HECW2: variants seen among roughly 807,000 people sequenced by gnomAD.
The protein encoded by HECW2 is E3 ubiquitin-protein ligase HECW2.
In HECW2, 61 loss-of-function variants were observed where a neutral mutation model predicts 175.2. The ratio of observed to expected loss-of-function variants is 0.35; its 90% CI spans 0.28 to 0.43. The LOEUF (loss-of-function observed/expected upper bound fraction) is 0.43. Ranked by LOEUF, HECW2 falls within the 20% of genes least tolerant of loss-of-function variation. The pLI is 1.00. For missense variants in HECW2, 1,524 were observed against 2,000.5 expected, an observed-to-expected ratio of 0.76 and a Z score of 4.54; for synonymous variants, 671 against 731.0, an observed-to-expected ratio of 0.92 and a Z score of 1.32.
intron 13 of HECW2, among the ~76,000 whole-genome samples, chr2:196,303,157 G>A (rs191627880): frequency 2.0e-4 from 31 of 152,214 alleles, no homozygotes; most frequent in East Asian, 1.4e-3. Flanking sequence ...CCTTTTCTGC[G>A]TCTATTGAAA....
intron 3 of HECW2, among the ~76,000 whole-genome samples, chr2:196,337,766 C>G (rs1241040904): frequency 6.6e-6 from 1 of 151,206 alleles, no homozygotes; most frequent in Non-Finnish European, 1.5e-5. Flanking sequence ...AAGGGAAAGG[C>G]ATCCTGTACG....
At chr2:196,264,007 C>T (rs1689411722) in intron 17 of HECW2, 1 of 152,150 alleles carries the variant, frequency 6.6e-6, no homozygotes, top group African/African-American at 2.4e-5. Flanking sequence ...CTTTGACCCA[C>T]TCCTTTTTCT....
chr2:196,287,144 G>C (rs975615948), intron 14 of HECW2, among the ~76,000 whole-genome samples: 1 of 152,094 alleles, frequency 6.6e-6, no homozygotes, highest in African/African-American at 2.4e-5. Context: ...TATTTGCTGT[G>C]GTTCTCAAAG....
At chr2:196,480,823 G>A (rs1384449014) in intron 1 of HECW2, among the ~76,000 whole-genome samples, 1 of 152,204 alleles carries the variant, frequency 6.6e-6, no homozygotes, top group African/African-American at 2.4e-5. Context: ...TAGTTAAGCA[G>A]AATGTCTGAT....
At chr2:196,338,617 T>C (rs1692638033) in intron 3 of HECW2, among the ~76,000 whole-genome samples, 1 of 152,228 alleles carries the variant, frequency 6.6e-6, no homozygotes, top group Admixed American at 6.5e-5. Flanking sequence ...CTTAAATAGC[T>C]ACACGATTCA....
rs1355654032 is a variant in HECW2 at position 196,199,355 on chromosome 2, G to A, written c.*1922C>T. ...CTCTTCCAATTATAGAATACAGAGA[G>A]CTCTTCCTTTCTTATTTCCAGATTT... On this transcript the variant is annotated 3_prime_UTR_variant, in exon 29 of 29. Coordinates refer to ENST00000644978, the MANE Select transcript of HECW2 (RefSeq NM_001348768.2). 6.6e-6 allele frequency: 1 copy of A among 152,458 alleles called. No homozygotes were observed. The highest frequency in any genetic ancestry group is 1.5e-5 in the Non-Finnish European group (1 of 68,010). The allele number at this position is 152,458 out of a possible 1,614,324, so 9.4% of individuals were successfully genotyped here. A position where few individuals can be genotyped will look rare whatever the true frequency, so the allele number is the denominator to read the frequency against.
At chr2:196,432,565 T>C (rs903831666) in intron 2 of HECW2, among the ~76,000 whole-genome samples, 1 of 152,230 alleles carries the variant, frequency 6.6e-6, no homozygotes, top group African/African-American at 2.4e-5. Context: ...ACTGTTTTTA[T>C]TAAAGCAAAT....
At chr2:196,221,029 C>T (rs758285897) in intron 24 of HECW2, 88 bp from the exon 25 acceptor site, 10 of 1,428,690 alleles carry the variant, frequency 7.0e-6, no homozygotes, top group Non-Finnish European at 9.7e-6. Context: ...AATCAGCCAG[C>T]TACCTGTCCC....
chr2:196,233,652 A>G (rs1374006548), intron 21 of HECW2, among the ~76,000 whole-genome samples: 1 of 152,200 alleles, frequency 6.6e-6, no homozygotes, highest in African/African-American at 2.4e-5. Flanking sequence ...TATGATAAAC[A>G]AAGTCTTACC....
At chr2:196,384,338 T>C (rs929723473) in intron 2 of HECW2, among the ~76,000 whole-genome samples, 3 of 152,054 alleles carry the variant, frequency 2.0e-5, no homozygotes, top group Non-Finnish European at 2.9e-5. Context: ...TCCAACACTT[T>C]GGGAGGCCGA....
At chr2:196,396,421 C>T (rs1694662699) in intron 2 of HECW2, among the ~76,000 whole-genome samples, 1 of 152,116 alleles carries the variant, frequency 6.6e-6, no homozygotes, top group South Asian at 2.1e-4. Context: ...TAAATTATCA[C>T]ATAGAGAAAA....
intron 2 of HECW2, among the ~76,000 whole-genome samples, chr2:196,412,434 G>C (rs1255715700): frequency 6.6e-6 from 1 of 152,200 alleles, no homozygotes; most frequent in Admixed American, 6.5e-5. Context: ...AGGTACTGGG[G>C]TTACGACTTC....
intron 1 of HECW2, among the ~76,000 whole-genome samples, chr2:196,474,649 C>T (rs1405179716): frequency 6.6e-6 from 1 of 152,144 alleles, no homozygotes; most frequent in East Asian, 1.9e-4. Context: ...ATGTGCAAAG[C>T]TTATATAGAA....
At chr2:196,527,184 G>T (rs559862470) in intron 1 of HECW2, among the ~76,000 whole-genome samples, 1 of 152,222 alleles carries the variant, frequency 6.6e-6, no homozygotes, top group South Asian at 2.1e-4. Flanking sequence ...CTCGTGGTGC[G>T]CCGTTTTTTA....
At chr2:196,424,465 T>A (rs1695488752) in intron 2 of HECW2, among the ~76,000 whole-genome samples, 1 of 152,144 alleles carries the variant, frequency 6.6e-6, no homozygotes, top group African/African-American at 2.4e-5. Flanking sequence ...AAGCTAGGCC[T>A]CTTGCTTCGA....
At chr2:196,466,375 C>T (rs1001271716) in intron 1 of HECW2, among the ~76,000 whole-genome samples, 7 of 152,146 alleles carry the variant, frequency 4.6e-5, no homozygotes, top group Non-Finnish European at 8.8e-5. Flanking sequence ...AAATGTTATC[C>T]AAATCCATTC....
chr2:196,322,311 C>CT (rs566112352), intron 7 of HECW2, among the ~76,000 whole-genome samples, 167 bp downstream of exon 7: 3 of 152,168 alleles, frequency 2.0e-5, no homozygotes, highest in African/African-American at 4.8e-5. Context: ...AAATAAACTA[C>CT]TTTTTTGTCA....
intron 21 of HECW2, among the ~76,000 whole-genome samples, chr2:196,232,128 G>A (rs1688082398): frequency 6.6e-6 from 1 of 152,168 alleles, no homozygotes; most frequent in South Asian, 2.1e-4. Context: ...ACACAATAGA[G>A]CATACAATGG....
chr2:196,501,713 T>C (rs569827862), intron 1 of HECW2, among the ~76,000 whole-genome samples: 2 of 152,202 alleles, frequency 1.3e-5, no homozygotes, highest in Admixed American at 1.3e-4. Context: ...TATCTAAACC[T>C]ACAAGTACTG....
Sources: gnomAD v4.1 joint callset for allele counts (sites outside exome capture counted in the v4.1 genomes callset) on GRCh38, gnomAD v4.1.1 for gene constraint, MANE v1.5 for transcripts, NCBI Gene and HGNC (gene_info 2026-07-23, HGNC 2026-07-21) for gene names.